CHODL: variants seen among roughly 807,000 people sequenced by gnomAD.
The protein encoded by CHODL is transmembrane protein MT75.
In CHODL, 29 loss-of-function variants were observed where a neutral mutation model predicts 34.5. The observed-to-expected ratio is 0.84, with a 90% CI of 0.63 to 1.15. CHODL has a LOEUF of 1.15. Ranked by LOEUF, CHODL falls within the 50% of genes most tolerant of loss-of-function variation. The pLI is 0.00. For missense variants in CHODL, 332 were observed against 332.5 expected (o/e 1.00, Z 0.01); for synonymous variants, 125 against 116.1 (o/e 1.08, Z -0.49).
chr21:18,012,136 T>C (rs1408024822), intron 1 of CHODL, among the ~76,000 whole-genome samples: 3 of 152,160 alleles, frequency 2.0e-5, no homozygotes, highest in Admixed American at 6.5e-5. Flanking sequence ...TGAATGAGGA[T>C]TGGTGGATGG....
intron 2 of CHODL, among the ~76,000 whole-genome samples, chr21:18,188,842 G>A (rs943552180): frequency 1.3e-5 from 2 of 152,220 alleles, no homozygotes; most frequent in African/African-American, 2.4e-5. Flanking sequence ...CGTAGTAAAC[G>A]ATGTGCGTGT....
At chr21:18,104,938 C>G (rs182026698) in intron 2 of CHODL, among the ~76,000 whole-genome samples, 59 of 152,314 alleles carry the variant, frequency 3.9e-4, no homozygotes, top group African/African-American at 1.3e-3. Context: ...GATGTGTTCT[C>G]TAGAATGCTA....
chr21:18,029,420 CAG>C (rs1290403558), intron 2 of CHODL, among the ~76,000 whole-genome samples: 1 of 152,000 alleles, frequency 6.6e-6, no homozygotes, highest in African/African-American at 2.4e-5. Flanking sequence ...TTTTTAGAAA[CAG>C]AAGAATGAAA....
At chr21:18,070,395 T>G (rs1726850654) in intron 2 of CHODL, among the ~76,000 whole-genome samples, 1 of 151,994 alleles carries the variant, frequency 6.6e-6, no homozygotes, top group Admixed American at 6.6e-5. Context: ...AAGAGGGATT[T>G]CACAAAATTC....
chr21:18,136,120 A>G lies in CHODL; in HGVS notation c.-45+108149A>G, dbSNP rs1354678193. ...GATTATGTCTCAAAAAAAAAAAAAG[A>G]AAAAGAAAAAAAAGAAAAAATGAAT... On this transcript the variant is annotated intron_variant, in intron 2 of 6. Transcript: ENST00000400127. Among the ~76,000 whole-genome samples, 5 of 125,800 alleles carry G rather than the reference A, an allele frequency of 4.0e-5. 1 individual carries two copies. In the East Asian group the frequency reaches 6.7e-4, roughly 17 times the overall value. 82.5% of individuals were successfully genotyped at this position (125,800 alleles called of 152,430 possible). A position where few individuals can be genotyped will look rare whatever the true frequency, so the allele number is the denominator to read the frequency against.
chr21:17,937,693 C>A (rs1040028616), intron 1 of CHODL, among the ~76,000 whole-genome samples: 1 of 152,152 alleles, frequency 6.6e-6, no homozygotes, highest in African/African-American at 2.4e-5. Context: ...TCTTTATAAA[C>A]TATGATATTA....
At chr21:18,017,946 G>T (rs367671100) in intron 1 of CHODL, among the ~76,000 whole-genome samples, 2 of 152,248 alleles carry the variant, frequency 1.3e-5, no homozygotes, top group Non-Finnish European at 2.9e-5. Flanking sequence ...TGCCCTGGAT[G>T]TGGGACATGG....
chr21:17,950,051 T>A (rs1168255867), intron 1 of CHODL, among the ~76,000 whole-genome samples: 1 of 152,136 alleles, frequency 6.6e-6, no homozygotes, highest in Non-Finnish European at 1.5e-5. Context: ...GACAATACCC[T>A]AATCAAAATT....
At chr21:18,027,060 G>A (rs2064184034) in intron 1 of CHODL, among the ~76,000 whole-genome samples, 1 of 151,840 alleles carries the variant, frequency 6.6e-6, no homozygotes. Flanking sequence ...GTCGATTGCT[G>A]AAAGCCAGGA....
At chr21:18,235,807 T>C (rs1398274800) in intron 2 of CHODL, among the ~76,000 whole-genome samples, 1 of 152,022 alleles carries the variant, frequency 6.6e-6, no homozygotes, top group Non-Finnish European at 1.5e-5. Flanking sequence ...GACAGACAAA[T>C]AGTTCATATT....
chr21:18,239,673 T>C (rs1027239082), intron 2 of CHODL, among the ~76,000 whole-genome samples: 3 of 152,088 alleles, frequency 2.0e-5, no homozygotes, highest in Admixed American at 2.0e-4. Context: ...ATAGAAAATA[T>C]CTTGCTTTAT....
intron 2 of CHODL, among the ~76,000 whole-genome samples, chr21:18,184,667 T>C (rs920333302): frequency 6.6e-6 from 1 of 152,164 alleles, no homozygotes; most frequent in Non-Finnish European, 1.5e-5. Context: ...AGGGAGAAAC[T>C]TCTGTAAAGT....
intron 2 of CHODL, among the ~76,000 whole-genome samples, chr21:18,189,753 G>A (rs2073489144): frequency 6.6e-6 from 1 of 150,578 alleles, no homozygotes; most frequent in Non-Finnish European, 1.5e-5. Context: ...TCCTGTCTCA[G>A]CCTCCTGAAT....
intron 2 of CHODL, among the ~76,000 whole-genome samples, chr21:18,238,331 T>G (rs1368070331): frequency 6.6e-6 from 1 of 152,040 alleles, no homozygotes; most frequent in African/African-American, 2.4e-5. Flanking sequence ...TGGGGATGCC[T>G]CAGAATCATG....
chr21:18,003,690 T>C (rs2063932965), intron 1 of CHODL, among the ~76,000 whole-genome samples: 1 of 152,208 alleles, frequency 6.6e-6, no homozygotes, highest in South Asian at 2.1e-4. Flanking sequence ...TCTTTCTGTC[T>C]GTCTCTCTCT....
At chr21:18,161,645 A>C (rs951461920) in intron 2 of CHODL, among the ~76,000 whole-genome samples, 8 of 152,006 alleles carry the variant, frequency 5.3e-5, no homozygotes, top group Non-Finnish European at 1.0e-4. Flanking sequence ...GATAGAACAC[A>C]TTGTTCACTT....
chr21:17,999,901 C>A (rs1338867710), intron 1 of CHODL, among the ~76,000 whole-genome samples: 1 of 152,144 alleles, frequency 6.6e-6, no homozygotes, highest in Non-Finnish European at 1.5e-5. Flanking sequence ...AAGATGTACA[C>A]CAACCTCTCT....
intron 2 of CHODL, among the ~76,000 whole-genome samples, chr21:18,131,092 G>C (rs2072648330): frequency 6.6e-6 from 1 of 152,076 alleles, no homozygotes; most frequent in South Asian, 2.1e-4. Flanking sequence ...GCAAATGGCA[G>C]GGGAAAAGAG....
At chr21:18,248,247 G>A (rs2146786759) in intron 1 of CHODL, among the ~76,000 whole-genome samples, 1 of 151,742 alleles carries the variant, frequency 6.6e-6, no homozygotes, top group Non-Finnish European at 1.5e-5. Context: ...CATGGGTGGT[G>A]AACAGTAGCA....
Sources: gnomAD v4.1 joint callset for allele counts (sites outside exome capture counted in the v4.1 genomes callset) on GRCh38, gnomAD v4.1.1 for gene constraint, MANE v1.5 for transcripts, NCBI Gene and HGNC (gene_info 2026-07-23, HGNC 2026-07-21) for gene names.